Variants in CHRM3 observed in about 807,000 individuals in gnomAD.
The protein encoded by CHRM3 is cholinergic receptor muscarinic 3, also known as muscarinic acetylcholine receptor M3.
CHRM3 carries 11 observed loss-of-function variants against 41.8 expected under a neutral mutation model. The observed-to-expected ratio is 0.26, with a 90% CI of 0.17 to 0.44. CHRM3 has a LOEUF of 0.44. Among genes scored for constraint, CHRM3 ranks in the 20% least tolerant of loss-of-function variants. The pLI, the probability that CHRM3 is intolerant of heterozygous loss-of-function variation, is 1.00. For missense variants in CHRM3, 571 were observed against 745.4 expected, an observed-to-expected ratio of 0.77 and a Z score of 2.72; for synonymous variants, 297 against 301.4, an observed-to-expected ratio of 0.99 and a Z score of 0.15.
intron 3 of CHRM3, among the ~76,000 whole-genome samples, chr1:239,598,745 T>C (rs1054776071): frequency 3.3e-5 from 5 of 152,156 alleles, no homozygotes; most frequent in Non-Finnish European, 5.9e-5. Flanking sequence ...ACTCCTTACC[T>C]TTTCCCCTTT....
At chr1:239,539,703 C>T (rs1658565098) in intron 2 of CHRM3, among the ~76,000 whole-genome samples, 1 of 152,152 alleles carries the variant, frequency 6.6e-6, no homozygotes, top group African/African-American at 2.4e-5. Context: ...CATCTTGGCT[C>T]ACTGCAGCCT....
At chr1:239,866,454 T>C (rs994485573) in intron 6 of CHRM3, among the ~76,000 whole-genome samples, 1 of 151,902 alleles carries the variant, frequency 6.6e-6, no homozygotes, top group Non-Finnish European at 1.5e-5. Flanking sequence ...AGGTGGATCC[T>C]AGATTCACCA....
intron 1 of CHRM3, among the ~76,000 whole-genome samples, chr1:239,467,302 C>T (rs563921569): frequency 1.4e-4 from 21 of 151,984 alleles, no homozygotes; most frequent in African/African-American, 5.1e-4. Context: ...GTGTAAATGC[C>T]TCTAGTTCTT....
chr1:239,443,654 C>T lies in CHRM3; in HGVS notation c.-520-49055C>T, dbSNP rs534049589. On this transcript the variant is annotated intron_variant, in intron 1 of 6. Coordinates refer to ENST00000676153, the MANE Select transcript of CHRM3 (RefSeq NM_001375978.1). ...TACTTTAATGAAGAATCTGAAGAAA[C>T]GCTTAGGAAAAGAAAATCTTAAGGG... is the stretch of plus-strand genomic sequence containing the variant. Among the ~76,000 whole-genome samples, 101 of 152,220 alleles carry T rather than the reference C, an allele frequency of 6.6e-4. 1 individual carries two copies. In the South Asian group the frequency reaches 0.02, roughly 31 times the overall value.
chr1:239,448,779 G>T (rs559433640), intron 1 of CHRM3, among the ~76,000 whole-genome samples: 1 of 152,104 alleles, frequency 6.6e-6, no homozygotes, highest in Admixed American at 6.5e-5. Context: ...AGTATTTTTT[G>T]TTTGTTTGTT....
intron 2 of CHRM3, among the ~76,000 whole-genome samples, chr1:239,533,621 C>T (rs1250555228): frequency 6.7e-6 from 1 of 150,198 alleles, no homozygotes; most frequent in Non-Finnish European, 1.5e-5. Context: ...ATCCCACCTA[C>T]TCAGGAGGCT....
chr1:239,502,445 A>G (rs1395799596), intron 2 of CHRM3, among the ~76,000 whole-genome samples: 1 of 152,100 alleles, frequency 6.6e-6, no homozygotes, highest in African/African-American at 2.4e-5. Flanking sequence ...TAATTTAAAA[A>G]TTAGCAACAA....
intron 1 of CHRM3, among the ~76,000 whole-genome samples, chr1:239,388,518 ATCAT>A (rs1658736162): frequency 2.0e-5 from 3 of 152,232 alleles, no homozygotes; most frequent in Admixed American, 2.0e-4. Flanking sequence ...TGAACCATTC[ATCAT>A]TATTTCCTGT....
intron 2 of CHRM3, among the ~76,000 whole-genome samples, chr1:239,524,936 ATAAAG>A (rs1669895328): frequency 6.6e-6 from 1 of 152,192 alleles, no homozygotes; most frequent in African/African-American, 2.4e-5. Context: ...TAAAGTATTA[ATAAAG>A]TAATTTTTTA....
At chr1:239,567,921 T>C (rs1417410349) in intron 3 of CHRM3, among the ~76,000 whole-genome samples, 1 of 152,134 alleles carries the variant, frequency 6.6e-6, no homozygotes, top group Admixed American at 6.6e-5. Flanking sequence ...GCTGGTGGGT[T>C]CTCTCTAGGC....
At chr1:239,689,412 T>C (rs1659490213) in intron 5 of CHRM3, among the ~76,000 whole-genome samples, 1 of 152,244 alleles carries the variant, frequency 6.6e-6, no homozygotes, top group Admixed American at 6.5e-5. Context: ...GTTGCTTACA[T>C]AAAGGAATGA....
chr1:239,604,224 T>C (rs1456386924), intron 3 of CHRM3, among the ~76,000 whole-genome samples: 1 of 152,176 alleles, frequency 6.6e-6, no homozygotes, highest in Non-Finnish European at 1.5e-5. Context: ...AGAGTAACAT[T>C]TATTAAGTTG....
chr1:239,908,902 T>G lies in CHRM3; in HGVS notation c.1451T>G (p.Val484Gly). 1 of 1,614,070 alleles carries G rather than the reference T, an allele frequency of 6.2e-7. No individual in the cohort carries two copies. Among genetic ancestry groups the G allele is most frequent in the Non-Finnish European group, 8.5e-7 (1 of 1,180,024 alleles). The change falls in exon 7 of 7, where the codon GTC becomes GGC. Residue 484 changes from valine to glycine, a missense_variant. Physicochemically the swap from Val to Gly is moderately radical, Grantham distance 109. Coordinates refer to ENST00000676153, the MANE Select transcript of CHRM3 (RefSeq NM_001375978.1). This position sits in a 1 kb window ranked among gnomAD's most constrained non-coding sequence, Gnocchi z 7.2. ...ACTAAGCGGAAAAGGATGTCCCTGG[T>G]CAAGGAGAAGAAAGCGGCCCAGACC... Reference protein sequence around the residue: ...QITKRKRMSLVKEKKAAQTLS... With the variant: ...QITKRKRMSLGKEKKAAQTLS...
chr1:239,394,982 G>A (rs540019833), intron 1 of CHRM3, among the ~76,000 whole-genome samples: 13 of 152,040 alleles, frequency 8.6e-5, no homozygotes, highest in Non-Finnish European at 1.3e-4. Flanking sequence ...CCACCTTCAT[G>A]AGGTTTATAG....
At position 239,578,963 on chromosome 1, in the gene CHRM3, T is replaced by C. The variant is rs182703492; in HGVS notation, c.-313+33214T>C. 1.6e-4 allele frequency among the ~76,000 whole-genome samples: 24 copies of C among 152,312 alleles called. No homozygotes were observed. In the East Asian group the frequency reaches 4.6e-3, roughly 29 times the overall value. ...CCAAGACTTCCTCATTCACTTTCTA[T>C]TAAGTAGATCCTATTAACTTTACAA... On this transcript the variant is annotated intron_variant, in intron 3 of 6. Coordinates refer to ENST00000676153, the MANE Select transcript of CHRM3 (RefSeq NM_001375978.1).
At chr1:239,588,189 C>T (rs1663623341) in intron 3 of CHRM3, among the ~76,000 whole-genome samples, 1 of 152,178 alleles carries the variant, frequency 6.6e-6, no homozygotes, top group African/African-American at 2.4e-5. Context: ...AGAATACCAA[C>T]CCCTGCAGCT....
intron 3 of CHRM3, among the ~76,000 whole-genome samples, chr1:239,580,305 CACAT>C (rs1469102283): frequency 1.8e-5 from 2 of 113,850 alleles, no homozygotes; most frequent in South Asian, 2.9e-4. Context: ...CACACACACA[CACAT>C]CAAAAATTGA....
At chr1:239,892,814 T>A (rs1000463069) in intron 6 of CHRM3, among the ~76,000 whole-genome samples, 1 of 152,224 alleles carries the variant, frequency 6.6e-6, no homozygotes, top group African/African-American at 2.4e-5. Context: ...GCCAAGGACA[T>A]AATGTGCCAA....
chr1:239,464,103 C>G (rs1251005344), intron 1 of CHRM3, among the ~76,000 whole-genome samples: 1 of 151,916 alleles, frequency 6.6e-6, no homozygotes, highest in Non-Finnish European at 1.5e-5. Flanking sequence ...ATGGTGAAAT[C>G]CCATCTCTAC....
Sources: gnomAD v4.1 joint callset for allele counts (sites outside exome capture counted in the v4.1 genomes callset) on GRCh38, gnomAD v4.1.1 for gene constraint, Gnocchi (gnomAD v3.1) non-coding constraint, MANE v1.5 for transcripts, NCBI Gene and HGNC (gene_info 2026-07-23, HGNC 2026-07-21) for gene names.